The following CASK variants were observed in gnomAD, a reference collection of about 807,000 sequenced individuals.
The protein encoded by CASK is calcium/calmodulin dependent serine protein kinase.
In CASK, 4 loss-of-function variants were observed where a neutral mutation model predicts 82.9. The observed-to-expected ratio is 0.05, with a 90% CI of 0.02 to 0.11. CASK has a LOEUF of 0.11. CASK is among the 10% of genes least tolerant of loss of function. The pLI is 1.00. For missense variants in CASK, 358 were observed against 720.9 expected, an observed-to-expected ratio of 0.50 and a Z score of 5.76; for synonymous variants, 259 against 253.5, an observed-to-expected ratio of 1.02 and a Z score of -0.20.
intron 1 of CASK, among the ~76,000 whole-genome samples, chrX:41,885,136 T>C (rs1197121750): frequency 1.8e-5 from 2 of 111,964 alleles, no homozygotes; most frequent in Non-Finnish European, 3.8e-5. Flanking sequence ...TTGTCATCTA[T>C]ATGTTGCCCC....
At chrX:41,912,053 C>A (rs1357002259) in intron 1 of CASK, among the ~76,000 whole-genome samples, 2 of 105,614 alleles carry the variant, frequency 1.9e-5, no homozygotes, top group Non-Finnish European at 3.9e-5. Flanking sequence ...CCCAACAGGC[C>A]CCGGTGTGTG....
intron 2 of CASK, among the ~76,000 whole-genome samples, chrX:41,850,738 C>G (rs2071247382): frequency 1.8e-5 from 2 of 111,276 alleles, no homozygotes; most frequent in Non-Finnish European, 3.8e-5. Context: ...GTAAATGGAC[C>G]AGAAGAGCAG....
At chrX:41,824,530 T>G (rs1437781561) in intron 2 of CASK, among the ~76,000 whole-genome samples, 2 of 112,530 alleles carry the variant, frequency 1.8e-5, no homozygotes, top group Admixed American at 1.9e-4. Context: ...CAGTGCACAG[T>G]GGCCAGCAGC....
At chrX:41,632,720 A>G (rs781149095) in intron 9 of CASK, among the ~76,000 whole-genome samples, 12 of 111,970 alleles carry the variant, frequency 1.1e-4, no homozygotes, top group South Asian at 3.7e-4. Flanking sequence ...CAAGTGACCA[A>G]TCAGTAAGTC....
intron 22 of CASK, among the ~76,000 whole-genome samples, chrX:41,538,291 T>C (rs746566958): frequency 8.9e-6 from 1 of 112,400 alleles, no homozygotes; most frequent in South Asian, 3.7e-4. Context: ...TAAGCACACC[T>C]ATGAATGGTA....
In CASK at chrX:41,521,866, T is replaced by C. The variant is rs189236258; in HGVS notation, c.2605-1270A>G. The stretch of plus-strand genomic sequence containing the variant: ...CCCTGTAATTGCTGTGCCCCAGCAT[T>C]AGGCATAGTGCCTTACACATAGTAA... On this transcript the variant is annotated intron_variant, in intron 26 of 26. Coordinates refer to ENST00000378163, the MANE Select transcript of CASK (RefSeq NM_001367721.1). 2.0e-4 allele frequency among the ~76,000 whole-genome samples: 23 copies of C among 112,461 alleles called. 1 individual carries two copies. The Admixed American group carries it at 2.2e-3, about 11-fold the overall frequency.
intron 3 of CASK, among the ~76,000 whole-genome samples, chrX:41,747,355 C>T (rs773993585): frequency 2.7e-5 from 3 of 111,519 alleles, no homozygotes; most frequent in African/African-American, 3.3e-5. Context: ...CCTGGATGAA[C>T]GTGATCATGC....
intron 8 of CASK, among the ~76,000 whole-genome samples, chrX:41,651,791 C>A (rs1044028076): frequency 9.0e-6 from 1 of 111,708 alleles, no homozygotes; most frequent in South Asian, 3.7e-4. Context: ...TTGATTAAAT[C>A]ATTAATATTC....
At chrX:41,610,627 T>G (rs2066030106) in intron 11 of CASK, among the ~76,000 whole-genome samples, 1 of 111,833 alleles carries the variant, frequency 8.9e-6, no homozygotes, top group South Asian at 3.8e-4. Flanking sequence ...CTTACCCTTC[T>G]TACTCAGAAG....
At chrX:41,793,345 GC>G (rs1189397236) in intron 2 of CASK, among the ~76,000 whole-genome samples, 2 of 111,800 alleles carry the variant, frequency 1.8e-5, no homozygotes, top group Non-Finnish European at 3.8e-5. Flanking sequence ...AATAACCAAA[GC>G]CCTTTGCTCT....
At chrX:41,854,437 A>C (rs2071335452) in intron 1 of CASK, among the ~76,000 whole-genome samples, 1 of 112,561 alleles carries the variant, frequency 8.9e-6, no homozygotes, top group Admixed American at 9.3e-5. Context: ...ACATGTGTAC[A>C]TGTATACATG....
intron 5 of CASK, chrX:41,727,672 G>A (rs1349342292): frequency 8.3e-7 from 1 of 1,201,704 alleles, no homozygotes; most frequent in African/African-American, 1.8e-5. Flanking sequence ...TTCCTTTTTA[G>A]TAGTACTAAC....
At chrX:41,545,789 A>G (rs1406138675) in intron 21 of CASK, among the ~76,000 whole-genome samples, 1 of 110,285 alleles carries the variant, frequency 9.1e-6, no homozygotes, top group Non-Finnish European at 1.9e-5. Flanking sequence ...CTCTCCATTT[A>G]CTTATATCTT....
intron 1 of CASK, among the ~76,000 whole-genome samples, chrX:41,877,858 T>C (rs2071857998): frequency 9.0e-6 from 1 of 111,236 alleles, no homozygotes; most frequent in African/African-American, 3.3e-5. Flanking sequence ...GGTATAGACA[T>C]AGTGGTGATG....
At chrX:41,623,920 G>C (rs2066326141) in intron 10 of CASK, among the ~76,000 whole-genome samples, 1 of 111,255 alleles carries the variant, frequency 9.0e-6, no homozygotes, top group African/African-American at 3.3e-5. Flanking sequence ...ATGTTGCCCA[G>C]GCTGGTCACA....
chrX:41,840,959 G>C (rs2071025009), intron 2 of CASK, among the ~76,000 whole-genome samples: 1 of 111,796 alleles, frequency 8.9e-6, no homozygotes, highest in Non-Finnish European at 1.9e-5. Flanking sequence ...ATGACCATTT[G>C]GTTTGTTTCC....
intron 2 of CASK, among the ~76,000 whole-genome samples, chrX:41,842,975 C>T (rs2071076276): frequency 9.0e-6 from 1 of 111,675 alleles, no homozygotes. Flanking sequence ...TTTTTCACTG[C>T]TTGTGTATAC....
intron 1 of CASK, among the ~76,000 whole-genome samples, chrX:41,875,254 CTT>C (rs1169141501): frequency 2.7e-5 from 3 of 112,116 alleles, no homozygotes; most frequent in Non-Finnish European, 3.8e-5. Flanking sequence ...TGGAAATACT[CTT>C]TGGTTTTTCC....
chrX:41,589,677 A>G, intron 12 of CASK, 85 bp from the exon 13 acceptor site: 1 of 667,402 alleles, frequency 1.5e-6, no homozygotes, highest in South Asian at 2.4e-5. Context: ...TCACTAAACA[A>G]TATTTTTCTT....
Sources: gnomAD v4.1 joint callset for allele counts (sites outside exome capture counted in the v4.1 genomes callset) on GRCh38, gnomAD v4.1.1 for gene constraint, MANE v1.5 for transcripts, NCBI Gene and HGNC (gene_info 2026-07-23, HGNC 2026-07-21) for gene names.